Variants in DOCK6 observed in about 807,000 individuals in gnomAD.
DOCK6 encodes the protein dedicator of cytokinesis 6, also known as dedicator of cytokinesis protein 6.
Under a neutral mutation model 230.3 loss-of-function variants are expected in DOCK6, and 167 were observed. The observed-to-expected ratio is 0.73, with a 90% CI of 0.64 to 0.82. The LOEUF (loss-of-function observed/expected upper bound fraction) is 0.82. Ranked by LOEUF, DOCK6 falls within the 40% of genes least tolerant of loss-of-function variation. DOCK6 has a pLI of 0.00. For missense variants in DOCK6, 2,598 were observed against 2,825.8 expected (o/e 0.92, Z 1.83); for synonymous variants, 1,148 against 1,185.0 (o/e 0.97, Z 0.64).
At chr19:11,233,686 A>C (rs970895409) in intron 21 of DOCK6, among the ~76,000 whole-genome samples, 4 of 152,110 alleles carry the variant, frequency 2.6e-5, no homozygotes, top group Non-Finnish European at 4.4e-5. Flanking sequence ...AATTAATGAA[A>C]AAATTAGCCG....
At chr19:11,241,359 C>A in intron 14 of DOCK6, 2 of 834,076 alleles carry the variant, frequency 2.4e-6, no homozygotes, top group Non-Finnish European at 3.9e-6. Context: ...CTGGGTCACA[C>A]AGATACAATG....
chr19:11,259,547 A>ATTTCT lies in DOCK6; in HGVS notation c.44+2845_44+2849dup, dbSNP rs1370624099. ...CTTCCCACCCCTCCAATGAATCATT[A>ATTTCT]TTTCTTTTCTTTTTTTTTTTTTTTT... On this transcript the variant is annotated intron_variant, in intron 1 of 47. Coordinates refer to ENST00000294618, the MANE Select transcript of DOCK6 (RefSeq NM_020812.4). 8.1e-4 allele frequency among the ~76,000 whole-genome samples: 65 copies of ATTTCT among 80,146 alleles called. 2 individuals are homozygous for ATTTCT. The highest frequency in any genetic ancestry group is 1.0e-3 in the Non-Finnish European group (35 of 33,700). The allele number at this position is 80,146 out of a possible 152,430, so 52.6% of individuals were successfully genotyped here. A position where few individuals can be genotyped will look rare whatever the true frequency, so the allele number is the denominator to read the frequency against.
At chr19:11,232,330 G>T in intron 22 of DOCK6, 2 of 1,273,470 alleles carry the variant, frequency 1.6e-6, no homozygotes, top group Non-Finnish European at 2.1e-6. Context: ...CCAGTGGAGG[G>T]CAGGGAAAGC....
At position 11,262,503 on chromosome 19, in the gene DOCK6, T is replaced by G. The variant is rs2080308861; in HGVS notation, c.-63A>C. On this transcript the variant is annotated 5_prime_UTR_variant, in exon 1 of 48. Transcript: ENST00000294618. ...CCCCGCCGCCGCCGCCGCCTCCCGG[T>G]TCTGGGCAGCCGGGGCGGGGCGGGG... 5.0e-6 allele frequency: 5 copies of G among 1,003,822 alleles called. No homozygotes were observed. The highest frequency in any genetic ancestry group is 1.2e-4 in the Admixed American group (2 of 16,454). 62.2% of individuals were successfully genotyped at this position (1,003,822 alleles called of 1,614,324 possible).
chr19:11,211,116 G>C (rs56074182), intron 37 of DOCK6, among the ~76,000 whole-genome samples: 3 of 148,964 alleles, frequency 2.0e-5, no homozygotes, highest in African/African-American at 7.4e-5. Context: ...CTGTCTCCTC[G>C]CTTATCCAAC....
chr19:11,244,649 C>G (rs970248631), intron 9 of DOCK6, among the ~76,000 whole-genome samples: 6 of 151,578 alleles, frequency 4.0e-5, no homozygotes, highest in African/African-American at 1.5e-4. Context: ...TTAGTAGAGA[C>G]GAGGTTTCAC....
In DOCK6 at chr19:11,236,868, C is replaced by T. The variant is rs113585695; in HGVS notation, c.2085G>A (p.Pro695=). The change falls in exon 19 of 48, where the codon CCG becomes CCA. Residue 695 remains proline, a synonymous_variant. Coordinates refer to ENST00000294618, the MANE Select transcript of DOCK6 (RefSeq NM_020812.4). This position sits in a 1 kb window ranked among gnomAD's most constrained non-coding sequence, Gnocchi z 5.2. ...TGTGACCGTCCACCCAGCGCATGCCCGGAAGCGCCACCTGTGGGAGGGAGG... is the reference window on the plus strand; with the variant it reads ...TGTGACCGTCCACCCAGCGCATGCCTGGAAGCGCCACCTGTGGGAGGGAGG... ...YSVLTPDVAL[P]GMRWVDGHKG... is the part of the protein sequence containing the mutation. 1,599 of 1,553,542 alleles carry T rather than the reference C, an allele frequency of 1.0e-3. 20 individuals are homozygous for T. In the African/African-American group the frequency reaches 0.019, roughly 18 times the overall value.
rs764702542 is a variant in DOCK6, at chr19:11,227,417, G to T, written c.2875C>A (p.Arg959Ser). ...TCGTCCAGGAAGCGTCCGGGGAAGC[G>T]CAGCTTGCGGGGTGTGTCTAGTCGC... ...GQRLDTPRKL[R>S]FPGRFLDDIT... Residue 959 changes from arginine (R) to serine (S), a missense_variant, in exon 24 of 48, where the codon CGC becomes AGC. By Grantham distance (110) the Arg-to-Ser change is moderately radical. Coordinates refer to ENST00000294618, the MANE Select transcript of DOCK6 (RefSeq NM_020812.4). 1 of 1,612,982 alleles carries T rather than the reference G, an allele frequency of 6.2e-7. No individual in the cohort carries two copies. Among genetic ancestry groups the T allele is most frequent in the African/African-American group, 1.3e-5 (1 of 75,034 alleles).
rs1454586974 is a variant in DOCK6 at position 11,202,608 on chromosome 19, C to T, written c.5337G>A (p.Leu1779=). The change falls in exon 42 of 48, where the codon CTG becomes CTA. Residue 1779 remains leucine (L), a synonymous_variant. Coordinates refer to ENST00000294618, the MANE Select transcript of DOCK6 (RefSeq NM_020812.4). This position sits in a 1 kb window ranked among gnomAD's most constrained non-coding sequence, Gnocchi z 5.3. ...FVYKEPSITK[L]AEISHRLEEF... Reference sequence around the variant, plus strand: ...CCTCCAGCCGGTGTGAGATCTCTGCCAGCTTCGTGATCGATGGCTCCTTGT... The same window carrying T: ...CCTCCAGCCGGTGTGAGATCTCTGCTAGCTTCGTGATCGATGGCTCCTTGT... 6.2e-7 allele frequency: 1 copy of T among 1,613,916 alleles called. No individual in the cohort carries two copies. Among genetic ancestry groups the T allele is most frequent in the African/African-American group, 1.3e-5 (1 of 74,942 alleles).
At chr19:11,241,396 T>C (rs1452988396) in intron 14 of DOCK6, 1 of 1,205,564 alleles carries the variant, frequency 8.3e-7, no homozygotes, top group Non-Finnish European at 1.2e-6. Context: ...GGTCAGGGGA[T>C]GGGAGGTGAG....
intron 37 of DOCK6, among the ~76,000 whole-genome samples, chr19:11,209,520 CCT>C (rs1363667487): frequency 6.7e-6 from 1 of 149,328 alleles, no homozygotes; most frequent in African/African-American, 2.5e-5. Flanking sequence ...ACCTGTCCAC[CCT>C]CTCACCTGTC....
At chr19:11,253,558 G>A in intron 2 of DOCK6, 81 bp downstream of exon 2, 1 of 933,752 alleles carries the variant, frequency 1.1e-6, no homozygotes, top group Non-Finnish European at 1.5e-6. Context: ...GGAGGGGGTG[G>A]GATAGAACCT....
At chr19:11,242,928 A>G in intron 13 of DOCK6, 131 bp downstream of exon 13, 1 of 1,001,166 alleles carries the variant, frequency 1.0e-6, no homozygotes, top group Non-Finnish European at 1.5e-6. Context: ...CCAGCCCCTG[A>G]GGTCAGGGAT....
intron 1 of DOCK6, among the ~76,000 whole-genome samples, chr19:11,259,082 C>T (rs2080242491): frequency 6.7e-6 from 1 of 149,560 alleles, no homozygotes; most frequent in South Asian, 2.1e-4. Context: ...GACAGGGTCT[C>T]ACTCTGTCAC....
intron 14 of DOCK6, chr19:11,239,946 A>G (rs1436249483): frequency 6.4e-7 from 1 of 1,572,954 alleles, no homozygotes; most frequent in Admixed American, 1.9e-5. Flanking sequence ...TGGGCACCGT[A>G]GCTGCGACAC....
intron 24 of DOCK6, among the ~76,000 whole-genome samples, chr19:11,226,386 C>T (rs989029545): frequency 2.0e-5 from 3 of 152,170 alleles, no homozygotes; most frequent in African/African-American, 7.2e-5. Context: ...AGGCCGGGCG[C>T]GGTGGCTCAC....
At chr19:11,261,702 C>T (rs1481397479) in intron 1 of DOCK6, among the ~76,000 whole-genome samples, 2 of 152,166 alleles carry the variant, frequency 1.3e-5, no homozygotes, top group African/African-American at 2.4e-5. Flanking sequence ...GGCCTGTCCC[C>T]TCCCCCGTCT....
rs1239008636 is a variant in DOCK6, at chr19:11,209,052, C to A, written c.4803G>T (p.Gln1601His). 3 of 1,612,422 alleles carry A rather than the reference C, an allele frequency of 1.9e-6. No homozygotes were observed. The highest frequency in any genetic ancestry group is 2.5e-6 in the Non-Finnish European group (3 of 1,179,482). The change falls in exon 38 of 48, where the codon CAG becomes CAT. Residue 1601 changes from glutamine to histidine, a missense_variant. Transcript: ENST00000294618. Reference protein sequence around the residue: ...GSPDLRLTWLQNMAGKHAELG... With the variant: ...GSPDLRLTWLHNMAGKHAELG... ...GCTCCGCGTGCTTCCCGGCCATGTT[C>A]TGCAACCAGGTCAGCCGAAGGTCCG...
chr19:11,206,633 G>A (rs2079265595), intron 39 of DOCK6, among the ~76,000 whole-genome samples: 1 of 151,924 alleles, frequency 6.6e-6, no homozygotes, highest in African/African-American at 2.4e-5. Flanking sequence ...GGCCCTTAAT[G>A]GATCCTGATT....
Sources: allele counts gnomAD v4.1 joint callset (sites outside exome capture counted in the v4.1 genomes callset), GRCh38; gene constraint gnomAD v4.1.1; non-coding constraint Gnocchi (gnomAD v3.1); transcripts MANE v1.5; gene names NCBI Gene and HGNC (gene_info 2026-07-23, HGNC 2026-07-21).